The following TMEM63B variants were observed in gnomAD, a reference collection of about 807,000 sequenced individuals.
TMEM63B encodes the protein mechanosensitive cation channel TMEM63B.
In TMEM63B, 23 loss-of-function variants were observed where a neutral mutation model predicts 102.6. The observed-to-expected ratio is 0.22, with a 90% CI of 0.16 to 0.32. The LOEUF is 0.32. TMEM63B is among the 10% of genes least tolerant of loss of function. The pLI, the probability that TMEM63B is intolerant of heterozygous loss-of-function variation, is 1.00. For synonymous variants in TMEM63B, 444 were observed against 437.0 expected (o/e 1.02, Z -0.20); for missense variants, 628 against 1,095.9 (o/e 0.57, Z 6.03).
chr6:44,151,729 G>C, intron 18 of TMEM63B, 117 bp from the exon 19 acceptor site: 1 of 1,247,756 alleles, frequency 8.0e-7, no homozygotes. Context: ...AGCTGGGGGT[G>C]TCCACATGGA....
rs187298481 is a variant in TMEM63B at position 44,139,622 on chromosome 6, C to G, written c.550+13C>G. On this transcript the variant is annotated intron_variant, in intron 7 of 23. Coordinates refer to ENST00000323267, the MANE Select transcript of TMEM63B (RefSeq NM_018426.3). The stretch of plus-strand genomic sequence containing the variant: ...GGGGACCTGCTGGGTCAGTGAGGGC[C>G]AGGACGGCTAGGGTGGAGAGAGGAT... 6.0e-4 allele frequency: 963 copies of G among 1,614,140 alleles called. 7 individuals are homozygous for G. In the African/African-American group the frequency reaches 0.011, roughly 19 times the overall value.
chr6:44,153,955 A>C (rs1767404151), intron 21 of TMEM63B, 112 bp downstream of exon 21: 1 of 1,559,072 alleles, frequency 6.4e-7, no homozygotes, highest in African/African-American at 1.4e-5. Context: ...GGCCTGGGAG[A>C]GGCTGGGGCC....
chr6:44,144,999 A>G (rs1476491345), intron 10 of TMEM63B, among the ~76,000 whole-genome samples: 1 of 152,038 alleles, frequency 6.6e-6, no homozygotes, highest in Non-Finnish European at 1.5e-5. Flanking sequence ...ACTACTGGCC[A>G]GGTGCGGTGG....
intron 10 of TMEM63B, among the ~76,000 whole-genome samples, chr6:44,142,267 TA>T (rs57699007): frequency 0.27 from 37,797 of 138,288 alleles, 5,125 homozygotes; most frequent in East Asian, 0.53. Flanking sequence ...CCCCATGTCT[TA>T]AAAAAAAAAA....
chr6:44,128,226 A>G (rs934812345), intron 1 of TMEM63B, among the ~76,000 whole-genome samples: 2 of 152,058 alleles, frequency 1.3e-5, no homozygotes, highest in African/African-American at 4.8e-5. Context: ...AGGTGCTGGC[A>G]CGAGGCCGGC....
intron 6 of TMEM63B, chr6:44,138,736 G>GCACCCCCCC: frequency 3.6e-6 from 1 of 280,536 alleles, no homozygotes; most frequent in Non-Finnish European, 6.9e-6. Context: ...CCCCCTGCCG[G>GCACCCCCCC]CCCCCCCGCT....
In TMEM63B at chr6:44,148,374, T is replaced by C. The variant is rs149504229; in HGVS notation, c.1110T>C (p.Thr370=). The C allele has an allele frequency of 2.1e-4, 346 of 1,614,134 alleles. No individual in the cohort carries two copies. The highest frequency in any genetic ancestry group is 2.8e-4 in the Non-Finnish European group (328 of 1,180,044). Reference sequence around the variant, plus strand: ...CCTTTGTCACCTTCCACAATGAGACTATCACCGCCATGTGAGTCCCCAACT... The same window carrying C: ...CCTTTGTCACCTTCCACAATGAGACCATCACCGCCATGTGAGTCCCCAACT... ...GMAFVTFHNE[T]ITAIILKDFN... Residue 370 remains threonine (T), a synonymous_variant, in exon 13 of 24, where the codon ACT becomes ACC. Transcript: ENST00000323267. The surrounding 1 kb of genome is among the most constrained non-coding windows in gnomAD (Gnocchi z 5.1).
At chr6:44,147,647 C>T (rs1765698294) in intron 12 of TMEM63B, 147 bp downstream of exon 12, 1 of 1,168,862 alleles carries the variant, frequency 8.6e-7, no homozygotes, top group East Asian at 2.6e-5. Flanking sequence ...AATGTCCCTA[C>T]AGTGACCAGG....
intron 10 of TMEM63B, among the ~76,000 whole-genome samples, chr6:44,144,207 T>C (rs1399250898): frequency 1.3e-5 from 2 of 152,184 alleles, no homozygotes; most frequent in Admixed American, 1.3e-4. Context: ...GCTGGGTATA[T>C]GGTGAGGACT....
chr6:44,146,997 C>A, intron 11 of TMEM63B, 70 bp downstream of exon 11: 1 of 1,508,282 alleles, frequency 6.6e-7, no homozygotes, highest in South Asian at 1.1e-5. Context: ...TCTTGGCTAC[C>A]ACACAGGCTC....
At chr6:44,135,127 CCA>C in intron 3 of TMEM63B, 31 bp downstream of exon 3, 1 of 1,610,546 alleles carries the variant, frequency 6.2e-7, no homozygotes, top group Non-Finnish European at 8.5e-7. Flanking sequence ...CTCTAGCTCT[CCA>C]CACACACATC....
chr6:44,146,130 G>A (rs971218796), intron 10 of TMEM63B, among the ~76,000 whole-genome samples: 1 of 152,200 alleles, frequency 6.6e-6, no homozygotes, highest in Non-Finnish European at 1.5e-5. Context: ...CTGTGGTCAA[G>A]GCTAAGTGTT....
intron 4 of TMEM63B, 51 bp downstream of exon 4, chr6:44,135,417 C>G (rs1365650742): frequency 1.3e-6 from 2 of 1,573,958 alleles, no homozygotes; most frequent in South Asian, 1.2e-5. Flanking sequence ...TTTCCCTTTT[C>G]TTCTCTCACG....
Position 44,148,121 on chromosome 6 carries a change from T to G in TMEM63B, c.988-131T>G. The G allele has an allele frequency of 7.5e-7, 1 of 1,325,926 alleles. No individual in the cohort carries two copies. The highest frequency in any genetic ancestry group is 1.0e-6 in the Non-Finnish European group (1 of 968,138). The allele number at this position is 1,325,926 out of a possible 1,614,324, so 82.1% of individuals were successfully genotyped here. A position where few individuals can be genotyped will look rare whatever the true frequency, so the allele number is the denominator to read the frequency against. ...CTGGGCATCAGAGCGAGACGCTGTT[T>G]CCAAAAAAAAAAAAATGCTTAGAGG... On this transcript the variant is annotated intron_variant, in intron 12 of 23. Coordinates refer to ENST00000323267, the MANE Select transcript of TMEM63B (RefSeq NM_018426.3). This position sits in a 1 kb window ranked among gnomAD's most constrained non-coding sequence, Gnocchi z 5.1.
At chr6:44,146,487 G>C (rs139494074) in intron 10 of TMEM63B, among the ~76,000 whole-genome samples, 93 of 136,204 alleles carry the variant, frequency 6.8e-4, no homozygotes, top group Middle Eastern at 3.5e-3. Flanking sequence ...GTCTCGCTCT[G>C]TCGCCCAGTC....
chr6:44,134,961 G>A (rs1322034886), intron 2 of TMEM63B, 56 bp from the exon 3 acceptor site: 1 of 1,599,060 alleles, frequency 6.3e-7, no homozygotes, highest in African/African-American at 1.3e-5. Flanking sequence ...CTGCCCCCTA[G>A]TCCAGCAGGT....
At chr6:44,153,573 G>T in intron 20 of TMEM63B, 103 bp from the exon 21 acceptor site, 1 of 1,408,444 alleles carries the variant, frequency 7.1e-7, no homozygotes, top group Non-Finnish European at 9.6e-7. Context: ...AGGAGGAGGG[G>T]GCCAACCCTT....
chr6:44,154,624 G>C (rs1158524745), intron 23 of TMEM63B, 68 bp from the exon 24 acceptor site: 1 of 1,505,368 alleles, frequency 6.6e-7, no homozygotes, highest in Non-Finnish European at 8.9e-7. Context: ...TGTCCTACAT[G>C]CCCTGGTGTT....
chr6:44,146,753 A>G, intron 10 of TMEM63B, 94 bp from the exon 11 acceptor site: 1 of 1,260,162 alleles, frequency 7.9e-7, no homozygotes, highest in Non-Finnish European at 1.2e-6. Flanking sequence ...GTCCAGCCAG[A>G]GATGTGTTTC....
Sources: allele counts gnomAD v4.1 joint callset (sites outside exome capture counted in the v4.1 genomes callset), GRCh38; gene constraint gnomAD v4.1.1; non-coding constraint Gnocchi (gnomAD v3.1); transcripts MANE v1.5; gene names NCBI Gene and HGNC (gene_info 2026-07-23, HGNC 2026-07-21).